The following GPR107 variants were observed in gnomAD, a reference collection of about 807,000 sequenced individuals.
The protein encoded by GPR107 is G protein-coupled receptor 107.
Under a neutral mutation model 75.5 loss-of-function variants are expected in GPR107, and 31 were observed. That is an observed-to-expected ratio of 0.41 (90% CI 0.31 to 0.55). The LOEUF is 0.55. GPR107 is among the 20% of genes least tolerant of loss of function. The pLI is 0.26. For missense variants in GPR107, 572 were observed against 665.7 expected (o/e 0.86, Z 1.55); for synonymous variants, 267 against 251.3 (o/e 1.06, Z -0.59).
chr9:130,084,899 G>A (rs762630308), intron 6 of GPR107, among the ~76,000 whole-genome samples: 2 of 152,144 alleles, frequency 1.3e-5, no homozygotes, highest in African/African-American at 4.8e-5. Context: ...AGGAGCTGTC[G>A]CCGGGGCTGA....
intron 1 of GPR107, among the ~76,000 whole-genome samples, chr9:130,058,699 A>G (rs1292789067): frequency 6.6e-6 from 1 of 152,108 alleles, no homozygotes; most frequent in Non-Finnish European, 1.5e-5. Flanking sequence ...TCCTGGCCTC[A>G]AGCAGTCCGC....
intron 12 of GPR107, among the ~76,000 whole-genome samples, chr9:130,102,558 C>A (rs1831061334): frequency 6.6e-6 from 1 of 152,154 alleles, no homozygotes; most frequent in African/African-American, 2.4e-5. Context: ...TAGAACTAGT[C>A]TGGGAGGGCC....
chr9:130,083,643 ATGTGTGTACG>A, intron 6 of GPR107, 41 bp downstream of exon 6: 1 of 1,312,298 alleles, frequency 7.6e-7, no homozygotes, highest in Non-Finnish European at 1.0e-6. Context: ...TTTTCTGGAT[ATGTGTGTACG>A]TGTGTGTGTT....
chr9:130,079,565 G>A (rs1830442865), intron 4 of GPR107, 65 bp from the exon 5 acceptor site: 5 of 1,388,006 alleles, frequency 3.6e-6, no homozygotes, highest in Non-Finnish European at 5.0e-6. Flanking sequence ...GGGCCTACAC[G>A]CAGCGTGCTC....
intron 14 of GPR107, among the ~76,000 whole-genome samples, chr9:130,123,619 T>G (rs1214082072): frequency 6.8e-6 from 1 of 147,212 alleles, no homozygotes; most frequent in East Asian, 2.0e-4. Flanking sequence ...TCCACCTGCC[T>G]CAGCCCCCCA....
chr9:130,056,713 C>A (rs1015712416), intron 1 of GPR107, among the ~76,000 whole-genome samples: 2 of 151,684 alleles, frequency 1.3e-5, no homozygotes, highest in Non-Finnish European at 2.9e-5. Context: ...ATCACAGGGT[C>A]AGGAGATTGA....
chr9:130,096,879 T>C (rs1830886378), intron 9 of GPR107, among the ~76,000 whole-genome samples: 6 of 152,286 alleles, frequency 3.9e-5, no homozygotes, highest in Admixed American at 3.3e-4. Context: ...TATTATCCTT[T>C]CTGCGATCTA....
chr9:130,064,185 CTTTTTTTTTTTTTT>C (rs1045833413), intron 1 of GPR107, among the ~76,000 whole-genome samples: 7 of 82,590 alleles, frequency 8.5e-5, no homozygotes, highest in Admixed American at 3.6e-4. Flanking sequence ...AATAGCTTTT[CTTTTTTTTTTTTTT>C]TTTTTTTTTG....
chr9:130,118,070 G>C (rs946827357), intron 14 of GPR107, among the ~76,000 whole-genome samples: 1 of 152,224 alleles, frequency 6.6e-6, no homozygotes, highest in African/African-American at 2.4e-5. Context: ...GGTCCTTGGA[G>C]GGAGGTGGAC....
At chr9:130,068,525 C>G (rs975492578) in intron 1 of GPR107, among the ~76,000 whole-genome samples, 2 of 152,028 alleles carry the variant, frequency 1.3e-5, no homozygotes, top group African/African-American at 2.4e-5. Context: ...GAAGCTAGCT[C>G]AGTTAAGTGT....
chr9:130,119,575 G>A (rs944677877), intron 14 of GPR107, among the ~76,000 whole-genome samples: 1 of 152,156 alleles, frequency 6.6e-6, no homozygotes, highest in Non-Finnish European at 1.5e-5. Flanking sequence ...CCAGTGAGCA[G>A]CAGAGTTGGA....
At chr9:130,113,083 G>A (rs1564679752) in intron 14 of GPR107, among the ~76,000 whole-genome samples, 1 of 152,102 alleles carries the variant, frequency 6.6e-6, no homozygotes, top group Non-Finnish European at 1.5e-5. Flanking sequence ...GACTGTTATG[G>A]TGACACAGAC....
chr9:130,073,443 G>T (rs753725877), intron 1 of GPR107, among the ~76,000 whole-genome samples: 1 of 152,116 alleles, frequency 6.6e-6, no homozygotes, highest in East Asian at 1.9e-4. Flanking sequence ...AGCTTTTCTG[G>T]CTTTTACCAT....
chr9:130,090,787 T>C lies in GPR107; in HGVS notation c.622-89T>C, dbSNP rs189821983. On this transcript the variant is annotated intron_variant, in intron 7 of 17. Coordinates refer to ENST00000347136, the MANE Select transcript of GPR107 (RefSeq NM_020960.5). ...GCTGAGTAGAATTTGAACAAAAAAG[T>C]AAACAATACTTTAAAAGAAAAAATA... The C allele has an allele frequency of 1.4e-5, 8 of 561,578 alleles. No individual in the cohort carries two copies. The East Asian group carries it at 2.2e-4, about 15-fold the overall frequency. The allele number at this position is 561,578 out of a possible 1,614,324, so 34.8% of individuals were successfully genotyped here.
intron 14 of GPR107, among the ~76,000 whole-genome samples, chr9:130,120,469 A>G (rs916311181): frequency 2.0e-5 from 3 of 152,018 alleles, no homozygotes; most frequent in Non-Finnish European, 4.4e-5. Context: ...GCTTTCTCTC[A>G]GTCCCCTCCC....
intron 1 of GPR107, among the ~76,000 whole-genome samples, chr9:130,065,385 C>T (rs1442384840): frequency 2.0e-5 from 3 of 151,104 alleles, no homozygotes; most frequent in Non-Finnish European, 2.9e-5. Flanking sequence ...TACAGTGAGC[C>T]GAGATCGCAC....
Position 130,136,821 on chromosome 9 carries a change from C to T in GPR107, c.*1700C>T, listed in dbSNP as rs1831969853. On this transcript the variant is annotated 3_prime_UTR_variant, in exon 18 of 18. Coordinates refer to ENST00000347136, the MANE Select transcript of GPR107 (RefSeq NM_020960.5). ...GGCTGATGTGGAGGAAGAGCAAGCG[C>T]CTTCCCAGGCCACAGCTGCTCACCT... 1 of 152,150 alleles carries T rather than the reference C, an allele frequency of 6.6e-6. No individual in the cohort carries two copies. Among genetic ancestry groups the T allele is most frequent in the Non-Finnish European group, 1.5e-5 (1 of 68,036 alleles). The allele number at this position is 152,150 out of a possible 1,614,324, so 9.4% of individuals were successfully genotyped here.
At chr9:130,060,402 G>GGTTT (rs1442738529) in intron 1 of GPR107, among the ~76,000 whole-genome samples, 6 of 75,896 alleles carry the variant, frequency 7.9e-5, no homozygotes, top group African/African-American at 3.6e-4. Flanking sequence ...GATAATCCGA[G>GGTTT]TTTTTTTTTT....
intron 14 of GPR107, among the ~76,000 whole-genome samples, chr9:130,123,496 C>A (rs2132646444): frequency 1.3e-5 from 2 of 151,250 alleles, no homozygotes; most frequent in African/African-American, 4.8e-5. Context: ...GCCACTGCAC[C>A]CGGCCTATTT....
Sources: gnomAD v4.1 joint callset for allele counts (sites outside exome capture counted in the v4.1 genomes callset) on GRCh38, gnomAD v4.1.1 for gene constraint, MANE v1.5 for transcripts, NCBI Gene and HGNC (gene_info 2026-07-23, HGNC 2026-07-21) for gene names.